ZNF75D: variants seen among roughly 807,000 people sequenced by gnomAD.
ZNF75D encodes zinc finger protein 75D, also known as zinc finger protein 75.
In ZNF75D, 33 loss-of-function variants were observed where a neutral mutation model predicts 33.3. That is an observed-to-expected ratio of 0.99 (90% CI 0.75 to 1.32). The LOEUF is 1.32. ZNF75D is among the 40% of genes most tolerant of loss of function. The probability of loss-of-function intolerance (pLI) is 0.00; values close to 1 mark genes in which losing one functional copy is unlikely to be tolerated. For synonymous variants in ZNF75D, 113 were observed against 130.6 expected (o/e 0.87, Z 0.92); for missense variants, 338 against 367.5 (o/e 0.92, Z 0.66).
intron 1 of ZNF75D, among the ~76,000 whole-genome samples, chrX:135,277,725 C>T (rs2083904569): frequency 8.9e-6 from 1 of 112,284 alleles, no homozygotes. Context: ...GTTTTCCCAA[C>T]ACCATTTATT....
At chrX:135,336,932 C>T (rs1462512397) in intron 1 of ZNF75D, among the ~76,000 whole-genome samples, 1 of 111,529 alleles carries the variant, frequency 9.0e-6, no homozygotes, top group Non-Finnish European at 1.9e-5. Context: ...AATCAGATAC[C>T]TGCAAAGAAG....
At chrX:135,277,478 G>C in intron 1 of ZNF75D, among the ~76,000 whole-genome samples, 1 of 112,286 alleles carries the variant, frequency 8.9e-6, no homozygotes. Context: ...CTGTGCAGAA[G>C]CTCTTTAGTT....
chrX:135,319,741 C>T (rs2084473431), intron 1 of ZNF75D, among the ~76,000 whole-genome samples: 1 of 112,110 alleles, frequency 8.9e-6, no homozygotes, highest in African/African-American at 3.2e-5. Flanking sequence ...GTAATGGGCA[C>T]ACAGTTAATT....
rs782796370 is a variant in ZNF75D, at chrX:135,258,704, C to T, written n.828-2927G>A. ...TAGATTCTGGATATTAGCCCTTTGT[C>T]AGATGAGTAGATTGCAAAAATTTTC... On this transcript the variant is annotated intron_variant and non_coding_transcript_variant, in intron 1 of 3. Coordinates refer to the ZNF75D transcript ENST00000494295. 2.7e-5 allele frequency among the ~76,000 whole-genome samples: 3 copies of T among 111,880 alleles called. No individual in the cohort carries two copies. In the South Asian group the frequency reaches 1.1e-3, roughly 42 times the overall value.
At chrX:135,318,087 A>ATT (rs1278807048) in intron 1 of ZNF75D, among the ~76,000 whole-genome samples, 21 of 95,063 alleles carry the variant, frequency 2.2e-4, no homozygotes, top group Non-Finnish European at 2.9e-4. Flanking sequence ...ATATATATAT[A>ATT]TTTTTTTTTT....
chrX:135,307,075 C>G (rs1556425917), intron 1 of ZNF75D, among the ~76,000 whole-genome samples: 1 of 111,442 alleles, frequency 9.0e-6, no homozygotes. Context: ...CTCTCCTGGC[C>G]TATTTCCTAG....
In ZNF75D at chrX:135,313,478, G is replaced by T. The variant is rs368883745; in HGVS notation, c.-390-17439C>A. 9.5e-3 allele frequency among the ~76,000 whole-genome samples: 954 copies of T among 99,903 alleles called. 6 individuals carry two copies. Among genetic ancestry groups the T allele is most frequent in the Middle Eastern group, 0.017 (3 of 181 alleles). 86.8% of individuals were successfully genotyped at this position (99,903 alleles called of 115,157 possible). ...TGCTTTGGCTATTCTGGCTTTTTTT[G>T]TTGTTGTTGTTCCATATGAATTTTA... is the stretch of plus-strand genomic sequence containing the variant. On this transcript the variant is annotated intron_variant, in intron 1 of 6. Coordinates refer to ENST00000370766, the MANE Select transcript of ZNF75D (RefSeq NM_007131.5).
Position 135,294,228 on chromosome X carries a change from C to G in ZNF75D, c.-88G>C, listed in dbSNP as rs956409027. 3 of 798,905 alleles carry G rather than the reference C, an allele frequency of 3.8e-6. No homozygotes were observed. The Admixed American group carries it at 9.6e-5, about 25-fold the overall frequency. 65.8% of individuals were successfully genotyped at this position (798,905 alleles called of 1,213,427 possible). On this transcript the variant is annotated 5_prime_UTR_variant, in exon 3 of 7. Transcript: ENST00000370766. ...CAAATCAGGGTGCATCAGGTTGGTA[C>G]CAAATCAATGAATTGTTCTTCCCAA...
At chrX:135,256,908 C>T (rs6638337) in intron 1 of ZNF75D, among the ~76,000 whole-genome samples, 20,540 of 110,908 alleles carry the variant, frequency 0.19, 1,728 homozygotes, top group East Asian at 0.39. Flanking sequence ...AGCTCCTGGG[C>T]GACATTTCTA....
chrX:135,266,405 C>T (rs1556416326), intron 1 of ZNF75D, among the ~76,000 whole-genome samples: 1 of 111,844 alleles, frequency 8.9e-6, no homozygotes, highest in Admixed American at 9.5e-5. Context: ...TAAATATACA[C>T]ACAGACTGAA....
At chrX:135,304,927 C>T (rs1223426801) in intron 1 of ZNF75D, among the ~76,000 whole-genome samples, 1 of 112,860 alleles carries the variant, frequency 8.9e-6, no homozygotes, top group Non-Finnish European at 1.9e-5. Context: ...CCATGACTCT[C>T]TGCCTTGGAG....
intron 1 of ZNF75D, among the ~76,000 whole-genome samples, chrX:135,263,966 C>G (rs782458556): frequency 2.2e-4 from 25 of 112,374 alleles, no homozygotes; most frequent in African/African-American, 8.1e-4. Flanking sequence ...CCTCAGAGAT[C>G]TTATCTAAGA....
At chrX:135,277,864 A>C (rs1556417842) in intron 1 of ZNF75D, among the ~76,000 whole-genome samples, 1 of 112,280 alleles carries the variant, frequency 8.9e-6, no homozygotes, top group East Asian at 2.8e-4. Flanking sequence ...TTTTGGTACC[A>C]GTACCATGCT....
At position 135,293,904 on chromosome X, in the gene ZNF75D, C is replaced by G; in HGVS notation, c.237G>C (p.Arg79Ser). 1 of 1,211,421 alleles carries G rather than the reference C, an allele frequency of 8.3e-7. No homozygotes were observed. ...QLQKLCHQWLRPEIHSKEQIL... is the reference protein window; with the variant it reads ...QLQKLCHQWLSPEIHSKEQIL... ...TCTGCTCTTTTGAGTGGATCTCTGG[C>G]CTCAGCCACTGATGGCACAATTTCT... Residue 79 changes from arginine (R) to serine (S), a missense_variant, in exon 3 of 7, where the codon AGG becomes AGC. Arg to Ser is a moderately radical substitution (Grantham distance 110). Coordinates refer to ENST00000370766, the MANE Select transcript of ZNF75D (RefSeq NM_007131.5).
chrX:135,276,636 C>T (rs782521273), intron 1 of ZNF75D, among the ~76,000 whole-genome samples: 2 of 110,365 alleles, frequency 1.8e-5, no homozygotes, highest in African/African-American at 6.6e-5. Context: ...CTATCCCTCC[C>T]CTAGGCCCCC....
chrX:135,313,692 C>T (rs1397437280), intron 1 of ZNF75D, among the ~76,000 whole-genome samples: 2 of 111,352 alleles, frequency 1.8e-5, no homozygotes, highest in Admixed American at 9.5e-5. Flanking sequence ...GTTTTCCTTG[C>T]AGAAATCTTT....
intron 1 of ZNF75D, among the ~76,000 whole-genome samples, chrX:135,325,554 G>A (rs1347249001): frequency 1.8e-4 from 20 of 112,229 alleles, no homozygotes; most frequent in South Asian, 7.4e-4. Context: ...CGGAGCAGCC[G>A]GCCGGCCCTG....
chrX:135,295,618 G>A (rs2084116320), intron 2 of ZNF75D, 150 bp downstream of exon 2: 1 of 112,108 alleles, frequency 8.9e-6, no homozygotes, highest in Admixed American at 9.4e-5. Flanking sequence ...TGTCAGTGGC[G>A]CCACTGCCCA....
chrX:135,325,844 A>C (rs2084563058), intron 1 of ZNF75D, among the ~76,000 whole-genome samples: 1 of 112,695 alleles, frequency 8.9e-6, no homozygotes, highest in Admixed American at 9.3e-5. Context: ...GTGCGAGCGC[A>C]TCGCGTGGGA....
Sources: gnomAD v4.1 joint callset for allele counts (sites outside exome capture counted in the v4.1 genomes callset) on GRCh38, gnomAD v4.1.1 for gene constraint, MANE v1.5 for transcripts, NCBI Gene and HGNC (gene_info 2026-07-23, HGNC 2026-07-21) for gene names.